The following NAALADL2 variants were observed in gnomAD, a reference collection of about 807,000 sequenced individuals.
NAALADL2 encodes inactive N-acetylated-alpha-linked acidic dipeptidase-like protein 2.
Under a neutral mutation model 87.2 loss-of-function variants are expected in NAALADL2, and 76 were observed. The ratio of observed to expected loss-of-function variants is 0.87; its 90% confidence interval spans 0.72 to 1.05. NAALADL2 has a LOEUF of 1.05. Ranked by LOEUF, NAALADL2 falls within the 50% of genes least tolerant of loss-of-function variation. The pLI, the probability that NAALADL2 is intolerant of heterozygous loss-of-function variation, is 0.00. For synonymous variants in NAALADL2, 354 were observed against 331.0 expected (o/e 1.07, Z -0.75); for missense variants, 1,089 against 945.8 (o/e 1.15, Z -1.99).
intron 10 of NAALADL2, among the ~76,000 whole-genome samples, chr3:175,624,774 A>G (rs1256366671): frequency 6.6e-6 from 1 of 152,040 alleles, no homozygotes; most frequent in Non-Finnish European, 1.5e-5. Context: ...GGCATATAAG[A>G]ACTTTAAGAC....
chr3:174,891,146 C>T (rs7623634), intron 1 of NAALADL2, among the ~76,000 whole-genome samples: 55,753 of 151,744 alleles, frequency 0.37, 11,251 homozygotes, highest in African/African-American at 0.55. Flanking sequence ...AGATAAGTAA[C>T]GCAACATTTC....
Position 175,549,737 on chromosome 3 carries a change from G to A in NAALADL2, c.1654-26304G>A, listed in dbSNP as rs7652694. Among the ~76,000 whole-genome samples, 1,342 of 151,876 alleles carry A rather than the reference G, an allele frequency of 8.8e-3. 21 individuals carry two copies. The highest frequency in any genetic ancestry group is 0.03 in the African/African-American group (1,247 of 41,452). ...TGTTAAATGTAGGCAATACAAAGGC[G>A]GACTGCAAAAAACTTAAGTCTTTAA... On this transcript the variant is annotated intron_variant, in intron 9 of 13. Transcript: ENST00000454872.
chr3:175,522,332 T>A (rs976431820), intron 9 of NAALADL2, among the ~76,000 whole-genome samples: 6 of 152,226 alleles, frequency 3.9e-5, no homozygotes, highest in Non-Finnish European at 7.3e-5. Flanking sequence ...TATATGAACA[T>A]CAGCAGCTTC....
chr3:174,467,418 C>A (rs1716602462), intron 1 of NAALADL2, among the ~76,000 whole-genome samples: 1 of 151,616 alleles, frequency 6.6e-6, no homozygotes, highest in Non-Finnish European at 1.5e-5. Context: ...CATGGTGAAA[C>A]CCCGTGGCTA....
intron 2 of NAALADL2, among the ~76,000 whole-genome samples, chr3:174,633,737 G>A (rs1722370167): frequency 6.6e-6 from 1 of 152,136 alleles, no homozygotes; most frequent in Admixed American, 6.5e-5. Context: ...GATTTGATGT[G>A]ATGTGATTGA....
chr3:174,590,414 T>G (rs1357873826), intron 2 of NAALADL2, among the ~76,000 whole-genome samples: 1 of 152,174 alleles, frequency 6.6e-6, no homozygotes, highest in East Asian at 1.9e-4. Context: ...GGATTTTTTT[T>G]GACTTAGAGT....
intron 9 of NAALADL2, among the ~76,000 whole-genome samples, chr3:175,472,588 G>C (rs1441038209): frequency 2.0e-5 from 3 of 151,472 alleles, no homozygotes; most frequent in Non-Finnish European, 4.4e-5. Context: ...AACTGAACTA[G>C]ACAAAGAGAG....
At chr3:175,686,977 A>G (rs1004928744) in intron 11 of NAALADL2, among the ~76,000 whole-genome samples, 1 of 152,180 alleles carries the variant, frequency 6.6e-6, no homozygotes, top group Non-Finnish European at 1.5e-5. Context: ...CCATTTTCAG[A>G]TGAGAAAACA....
intron 1 of NAALADL2, among the ~76,000 whole-genome samples, chr3:175,092,492 A>C (rs973942006): frequency 3.3e-5 from 5 of 151,922 alleles, no homozygotes; most frequent in Non-Finnish European, 7.4e-5. Flanking sequence ...AATATTTGCC[A>C]GACACTGTGT....
intron 3 of NAALADL2, among the ~76,000 whole-genome samples, chr3:175,240,843 C>T (rs764129544): frequency 3.3e-5 from 5 of 151,896 alleles, no homozygotes; most frequent in African/African-American, 9.7e-5. Flanking sequence ...TTAGTGGAGA[C>T]GGGGTTTCTC....
At chr3:175,591,278 TTTAAC>T (rs1721411963) in intron 10 of NAALADL2, among the ~76,000 whole-genome samples, 1 of 152,114 alleles carries the variant, frequency 6.6e-6, no homozygotes, top group African/African-American at 2.4e-5. Context: ...AAGAATGAAA[TTTAAC>T]TTAATTTAAA....
intron 1 of NAALADL2, among the ~76,000 whole-genome samples, chr3:175,042,098 G>T (rs908829502): frequency 1.3e-5 from 2 of 151,888 alleles, no homozygotes; most frequent in African/African-American, 4.8e-5. Context: ...CCTAACCCAG[G>T]GCAACCATCA....
At chr3:174,777,938 T>TAA (rs1356988492) in intron 3 of NAALADL2, among the ~76,000 whole-genome samples, 1 of 152,116 alleles carries the variant, frequency 6.6e-6, no homozygotes, top group Non-Finnish European at 1.5e-5. Context: ...GAAAGTCATC[T>TAA]AAAAATGCAC....
At chr3:174,633,985 T>C (rs1363139672) in intron 2 of NAALADL2, among the ~76,000 whole-genome samples, 3 of 152,178 alleles carry the variant, frequency 2.0e-5, no homozygotes, top group Non-Finnish European at 2.9e-5. Context: ...TTGTTACCTG[T>C]AAAACAGAAG....
intron 1 of NAALADL2, among the ~76,000 whole-genome samples, chr3:175,030,823 T>G (rs1407666667): frequency 2.0e-5 from 3 of 152,068 alleles, no homozygotes; most frequent in African/African-American, 7.2e-5. Context: ...TATCAAAGAA[T>G]TTCATAATTG....
chr3:174,984,291 T>G (rs7631188), intron 1 of NAALADL2, among the ~76,000 whole-genome samples: 1,588 of 152,366 alleles, frequency 0.01, 33 homozygotes, highest in African/African-American at 0.036. Flanking sequence ...GCACTTTTTT[T>G]GCTCAGGGAT....
At chr3:175,052,345 G>C (rs1755513921) in intron 1 of NAALADL2, among the ~76,000 whole-genome samples, 1 of 152,194 alleles carries the variant, frequency 6.6e-6, no homozygotes, top group Non-Finnish European at 1.5e-5. Context: ...TTTTATTTAT[G>C]GCAAGTTTTG....
In NAALADL2 at chr3:174,595,990, CA is replaced by C. The variant is rs550769278; in HGVS notation, c.-115+45354del. The stretch of plus-strand genomic sequence containing the variant: ...TCATGCCATTGCACTCCAGCCTGGG[CA>C]CAAGAGCCAAATTCCATCTCAAAAA... On this transcript the variant is annotated intron_variant, in intron 2 of 3. Coordinates refer to the NAALADL2 transcript ENST00000434257. 1.1e-4 allele frequency among the ~76,000 whole-genome samples: 16 copies of C among 152,092 alleles called. No individual in the cohort carries two copies. The East Asian group carries it at 2.7e-3, about 26-fold the overall frequency.
intron 4 of NAALADL2, among the ~76,000 whole-genome samples, chr3:175,303,468 A>T (rs558078939): frequency 1.3e-5 from 2 of 152,280 alleles, no homozygotes; most frequent in African/African-American, 2.4e-5. Context: ...CACCAAAAAA[A>T]AATTTCCCAT....
Sources: gnomAD v4.1 joint callset for allele counts (sites outside exome capture counted in the v4.1 genomes callset) on GRCh38, gnomAD v4.1.1 for gene constraint, MANE v1.5 for transcripts, NCBI Gene and HGNC (gene_info 2026-07-23, HGNC 2026-07-21) for gene names.